Variants in MAST3 observed in about 807,000 individuals in gnomAD.
The protein encoded by MAST3 is microtubule associated serine/threonine kinase 3.
A neutral mutation model predicts 127.0 loss-of-function variants in MAST3; 43 were observed. That is an observed-to-expected ratio of 0.34 (90% CI 0.27 to 0.44). MAST3 has a LOEUF of 0.44. MAST3 is among the 20% of genes least tolerant of loss of function. The probability of loss-of-function intolerance (pLI) is 1.00; values close to 1 mark genes in which losing one functional copy is unlikely to be tolerated. For missense variants in MAST3, 1,390 were observed against 1,919.1 expected, an observed-to-expected ratio of 0.72 and a Z score of 5.15; for synonymous variants, 785 against 809.2, an observed-to-expected ratio of 0.97 and a Z score of 0.51.
chr19:18,143,172 C>CA (rs2042693556), intron 21 of MAST3, among the ~76,000 whole-genome samples: 1 of 151,862 alleles, frequency 6.6e-6, no homozygotes, highest in East Asian at 2.0e-4. Context: ...TTATGTTGCC[C>CA]GCCCTGGTCT....
Position 18,135,763 on chromosome 19 carries a change from G to C in MAST3, c.1894G>C (p.Asp632His), listed in dbSNP as rs769826873. The C allele has an allele frequency of 6.2e-7, 1 of 1,612,322 alleles. No individual in the cohort carries two copies. The highest frequency in any genetic ancestry group is 1.7e-5 in the Admixed American group (1 of 59,826). The change falls in exon 18 of 28, where the codon GAT becomes CAT. Residue 632 changes from aspartate (D) to histidine (H), a missense_variant. Coordinates refer to ENST00000687212, the MANE Select transcript of MAST3 (RefSeq NM_001393504.1). ...VSDEIMWPEG[D>H]EALPADAQDL... ...AGATGAGATCATGTGGCCAGAGGGA[G>C]ATGAGGCCCTTCCAGCAGACGCCCA...
chr19:18,141,949 A>C lies in MAST3; in HGVS notation c.2273A>C (p.Glu758Ala). The change falls in exon 21 of 28, where the codon GAA becomes GCA. Residue 758 changes from glutamate (E) to alanine (A), a missense_variant. Physicochemically the swap from Glu to Ala is moderately radical, Grantham distance 107 (BLOSUM62 -1). This residue lies in a region of MAST3 where 816 missense variants were observed against 934.1 expected (regional missense o/e 0.87). Transcript: ENST00000687212. ...TPTFAERSFS[E>A]DREEGWERSE... The stretch of plus-strand genomic sequence containing the variant: ...ACCTTCGCTGAAAGGAGCTTCAGTG[A>C]AGACCGGGAGGAGGGGTGGGAGCGC... The C allele has an allele frequency of 6.4e-7, 1 of 1,559,770 alleles. No homozygotes were observed. Among genetic ancestry groups the C allele is most frequent in the East Asian group, 2.4e-5 (1 of 41,474 alleles).
Position 18,131,411 on chromosome 19 carries a change from A to T in MAST3, c.1433-498A>T, listed in dbSNP as rs1253755136. 3.1e-4 allele frequency among the ~76,000 whole-genome samples: 43 copies of T among 138,528 alleles called. 6 individuals are homozygous for T. Among genetic ancestry groups the T allele is most frequent in the African/African-American group, 1.0e-3 (38 of 37,792 alleles). The allele number at this position is 138,528 out of a possible 152,430, so 90.9% of individuals were successfully genotyped here. Reference sequence around the variant, plus strand: ...GTCTCAAAAAAATAAATAAAAATTTAAAAAATAGGCCAGGCGCGGTGGCCA... The same window carrying T: ...GTCTCAAAAAAATAAATAAAAATTTTAAAAATAGGCCAGGCGCGGTGGCCA... On this transcript the variant is annotated intron_variant, in intron 14 of 27. Coordinates refer to ENST00000687212, the MANE Select transcript of MAST3 (RefSeq NM_001393504.1).
chr19:18,133,416 G>T (rs1237869377), intron 15 of MAST3, among the ~76,000 whole-genome samples: 2 of 152,094 alleles, frequency 1.3e-5, no homozygotes, highest in African/African-American at 4.8e-5. Flanking sequence ...GACAGTCTTT[G>T]TCGCCCGGGC....
At chr19:18,140,498 A>G (rs1017519477) in intron 20 of MAST3, among the ~76,000 whole-genome samples, 39 of 152,204 alleles carry the variant, frequency 2.6e-4, no homozygotes. Context: ...ATTTGTACCC[A>G]TTAGCAACCA....
rs1230204843 is a variant in MAST3, at chr19:18,145,267, A to T, written c.3039+38A>T. 1 of 1,588,394 alleles carries T rather than the reference A, an allele frequency of 6.3e-7. No individual in the cohort carries two copies. Among genetic ancestry groups the T allele is most frequent in the East Asian group, 2.2e-5 (1 of 44,676 alleles). ...TGGGAATGGCAGGGACCCGGGTTCT[A>T]GTTTGACTCTGCCCGGTCATGTCCC... On this transcript the variant is annotated intron_variant, in intron 24 of 27. Transcript: ENST00000687212. The surrounding 1 kb of genome is among the most constrained non-coding windows in gnomAD (Gnocchi z 5.9).
At position 18,121,007 on chromosome 19, in the gene MAST3, C is replaced by T. The variant is rs141140407; in HGVS notation, c.162-678C>T. On this transcript the variant is annotated intron_variant, in intron 3 of 27. Coordinates refer to ENST00000687212, the MANE Select transcript of MAST3 (RefSeq NM_001393504.1). ...AAGTACTGGGATTACAGGTGTGAGT[C>T]ACCATGCCCGACCTAATTTTTGTGT... Among the ~76,000 whole-genome samples, 1,338 of 152,264 alleles carry T rather than the reference C, an allele frequency of 8.8e-3. 10 individuals carry two copies. Among genetic ancestry groups the T allele is most frequent in the South Asian group, 0.015 (74 of 4,826 alleles).
intron 17 of MAST3, 98 bp downstream of exon 17, chr19:18,135,080 G>T (rs566453537): frequency 7.0e-7 from 1 of 1,437,112 alleles, no homozygotes; most frequent in East Asian, 2.3e-5. Context: ...GCAGGAAGAG[G>T]GGAGGGAGTT....
At chr19:18,139,191 T>G in intron 20 of MAST3, 67 bp downstream of exon 20, 1 of 1,239,618 alleles carries the variant, frequency 8.1e-7, no homozygotes. Context: ...TGCTTTCGTA[T>G]CTGTTTTTTG....
rs2041172945 is a variant in MAST3, at chr19:18,130,645, A to G, written c.1375A>G (p.Met459Val). 1.2e-6 allele frequency: 2 copies of G among 1,613,970 alleles called. No individual in the cohort carries two copies. The highest frequency in any genetic ancestry group is 8.5e-7 in the Non-Finnish European group (1 of 1,179,984). Residue 459 changes from methionine to valine, a missense_variant, in exon 14 of 28, where the codon ATG becomes GTG. Met to Val is a conservative substitution (Grantham distance 21). Around this residue, in one of 5 missense-constraint regions of MAST3, gnomAD observed 191 missense variants for 409.0 expected, o/e 0.47. Coordinates refer to ENST00000687212, the MANE Select transcript of MAST3 (RefSeq NM_001393504.1). ...TFAENPFVVS[M>V]FCSFETRRHL... The stretch of plus-strand genomic sequence containing the variant: ...TGCCGAGAACCCCTTTGTGGTCAGC[A>G]TGTTCTGCTCCTTTGAGACCCGGCG...
At chr19:18,121,944 G>T (rs11086090) in intron 5 of MAST3, 22 bp downstream of exon 5, 210,481 of 1,613,694 alleles carry the variant, frequency 0.13, 14,653 homozygotes, top group Admixed American at 0.16. Context: ...CCGGCTTTGG[G>T]AGACAGTGCG....
intron 21 of MAST3, among the ~76,000 whole-genome samples, chr19:18,142,301 A>G (rs1010822308): frequency 2.0e-5 from 3 of 150,968 alleles, no homozygotes; most frequent in African/African-American, 7.3e-5. Flanking sequence ...CTCAGACCCA[A>G]CAGAAACAGT....
intron 18 of MAST3, 52 bp from the exon 19 acceptor site, chr19:18,137,187 C>A: frequency 6.3e-7 from 1 of 1,586,128 alleles, no homozygotes; most frequent in South Asian, 1.1e-5. Context: ...AGGGGGGCAT[C>A]CTGTGGCGGG....
intron 12 of MAST3, 145 bp from the exon 13 acceptor site, chr19:18,128,721 C>T: frequency 1.4e-6 from 1 of 699,942 alleles, no homozygotes; most frequent in South Asian, 1.8e-5. Flanking sequence ...CAAAAAAGTA[C>T]AGAAAGTCAG....
intron 3 of MAST3, among the ~76,000 whole-genome samples, chr19:18,121,232 G>A (rs1335128468): frequency 6.6e-6 from 1 of 151,780 alleles, no homozygotes; most frequent in East Asian, 2.0e-4. Flanking sequence ...CATGGCTCAC[G>A]GCAGCCTTGA....
chr19:18,121,820 G>A (rs547310133), intron 4 of MAST3, 33 bp from the exon 5 acceptor site: 9 of 1,613,752 alleles, frequency 5.6e-6, no homozygotes, highest in Admixed American at 3.3e-5. Flanking sequence ...CCTCTGCCCC[G>A]CTGACTCAGT....
At position 18,110,330 on chromosome 19, in the gene MAST3, G is replaced by T. The variant is rs1358637963; in HGVS notation, c.72-322G>T. 8 of 985,440 alleles carry T rather than the reference G, an allele frequency of 8.1e-6. No homozygotes were observed. Among genetic ancestry groups the T allele is most frequent in the Non-Finnish European group, 9.6e-6 (8 of 830,026 alleles). 61.0% of individuals were successfully genotyped at this position (985,440 alleles called of 1,614,324 possible). A position where few individuals can be genotyped will look rare whatever the true frequency, so the allele number is the denominator to read the frequency against. On this transcript the variant is annotated intron_variant, in intron 2 of 27. Coordinates refer to ENST00000687212, the MANE Select transcript of MAST3 (RefSeq NM_001393504.1). This position sits in a 1 kb window ranked among gnomAD's most constrained non-coding sequence, Gnocchi z 4.3. ...GGCCTCTGCCTCGGCATGAAGTCCC[G>T]CAGGGACAAGCTGCACATCCCGGCG...
In MAST3 at chr19:18,110,514, C is replaced by T. The variant is rs1599677019; in HGVS notation, c.72-138C>T. On this transcript the variant is annotated intron_variant, in intron 2 of 27. Transcript: ENST00000687212. The surrounding 1 kb of genome is among the most constrained non-coding windows in gnomAD (Gnocchi z 4.3). The stretch of plus-strand genomic sequence containing the variant: ...GGCCATCGGTCTGGCCCCGCCCTCA[C>T]GTCCTGAGCTGAACCCAGAATCCCC... 5 of 868,892 alleles carry T rather than the reference C, an allele frequency of 5.8e-6. No individual in the cohort carries two copies. Among genetic ancestry groups the T allele is most frequent in the South Asian group, 5.2e-5 (1 of 19,088 alleles). 53.8% of individuals were successfully genotyped at this position (868,892 alleles called of 1,614,324 possible).
Position 18,144,029 on chromosome 19 carries a change from A to C in MAST3, c.2584+22A>C. 1 of 1,551,052 alleles carries C rather than the reference A, an allele frequency of 6.4e-7. No individual in the cohort carries two copies. Among genetic ancestry groups the C allele is most frequent in the Non-Finnish European group, 8.7e-7 (1 of 1,147,354 alleles). The stretch of plus-strand genomic sequence containing the variant: ...TCTGGTAAGTGGGGCCCTGAGTAAG[A>C]GGGATGATGTCATGGAAGTTTCCCA... On this transcript the variant is annotated intron_variant, in intron 22 of 27. Coordinates refer to ENST00000687212, the MANE Select transcript of MAST3 (RefSeq NM_001393504.1). This position sits in a 1 kb window ranked among gnomAD's most constrained non-coding sequence, Gnocchi z 4.0.
Sources: allele counts gnomAD v4.1 joint callset (sites outside exome capture counted in the v4.1 genomes callset), GRCh38; gene constraint gnomAD v4.1.1; regional missense constraint gnomAD v4.1.1; non-coding constraint Gnocchi (gnomAD v3.1); transcripts MANE v1.5; gene names NCBI Gene and HGNC (gene_info 2026-07-23, HGNC 2026-07-21).